The following WDPCP variants were observed in gnomAD, a reference collection of about 807,000 sequenced individuals.
The protein encoded by WDPCP is WD repeat containing planar cell polarity effector.
A neutral mutation model predicts 93.1 loss-of-function variants in WDPCP; 71 were observed. The ratio of observed to expected loss-of-function variants is 0.76; its 90% CI spans 0.63 to 0.93. The LOEUF is 0.93. WDPCP is among the 40% of genes least tolerant of loss of function. The pLI is 0.00. For missense variants in WDPCP, 844 were observed against 887.4 expected (o/e 0.95, Z 0.62); for synonymous variants, 315 against 315.0 (o/e 1.00, Z 0.00).
intron 1 of WDPCP, among the ~76,000 whole-genome samples, chr2:63,576,408 A>G (rs570295769): frequency 1.3e-5 from 2 of 152,308 alleles, no homozygotes; most frequent in African/African-American, 4.8e-5. Flanking sequence ...TTTATTATAA[A>G]GGTTACTACA....
intron 14 of WDPCP, among the ~76,000 whole-genome samples, chr2:63,228,151 C>T (rs1574928519): frequency 6.6e-6 from 1 of 152,054 alleles, no homozygotes; most frequent in East Asian, 1.9e-4. Flanking sequence ...CTCCAAGTTG[C>T]TGGAGGTCAT....
At chr2:63,609,615 T>G (rs1437125490) in intron 3 of WDPCP, among the ~76,000 whole-genome samples, 1 of 152,150 alleles carries the variant, frequency 6.6e-6, no homozygotes, top group East Asian at 1.9e-4. Flanking sequence ...CTTGGCTGGG[T>G]GCAGTGACTC....
intron 11 of WDPCP, among the ~76,000 whole-genome samples, chr2:63,381,133 GA>G (rs1692268047): frequency 6.6e-6 from 1 of 152,042 alleles, no homozygotes; most frequent in Admixed American, 6.6e-5. Context: ...ACAAAGATAT[GA>G]AAGATGCAAA....
intron 2 of WDPCP, among the ~76,000 whole-genome samples, chr2:63,781,878 G>A (rs907105226): frequency 1.3e-5 from 2 of 152,110 alleles, no homozygotes; most frequent in African/African-American, 2.4e-5. Context: ...AGCTCTCTGG[G>A]CCAAAGGTGG....
chr2:63,364,027 G>A (rs1262311184), intron 12 of WDPCP, among the ~76,000 whole-genome samples: 5 of 151,896 alleles, frequency 3.3e-5, no homozygotes, highest in African/African-American at 9.7e-5. Flanking sequence ...CTCCACCTCC[G>A]GCAACACAGC....
intron 12 of WDPCP, among the ~76,000 whole-genome samples, chr2:63,321,909 C>T (rs1286901086): frequency 6.6e-6 from 1 of 152,084 alleles, no homozygotes; most frequent in Non-Finnish European, 1.5e-5. Context: ...TTACATATCA[C>T]TTTACTGAGG....
intron 2 of WDPCP, among the ~76,000 whole-genome samples, chr2:63,702,052 T>A (rs1381827208): frequency 6.6e-6 from 1 of 152,122 alleles, no homozygotes; most frequent in Non-Finnish European, 1.5e-5. Flanking sequence ...TGAGATGGAG[T>A]TTCGCTCTTG....
intron 14 of WDPCP, among the ~76,000 whole-genome samples, chr2:63,207,234 A>G (rs1211286719): frequency 6.6e-6 from 1 of 152,158 alleles, no homozygotes; most frequent in Non-Finnish European, 1.5e-5. Flanking sequence ...AATAATAGTG[A>G]TATGGTTTGA....
chr2:63,202,424 G>A (rs1367558710), intron 14 of WDPCP, among the ~76,000 whole-genome samples: 1 of 152,000 alleles, frequency 6.6e-6, no homozygotes, highest in Non-Finnish European at 1.5e-5. Flanking sequence ...TTAAAAAAAG[G>A]CATATCCTCC....
chr2:63,190,772 A>ATGTCTTAAACTAATGAACTACAAAG (rs1367858817), intron 14 of WDPCP, among the ~76,000 whole-genome samples: 1 of 151,852 alleles, frequency 6.6e-6, no homozygotes, highest in Non-Finnish European at 1.5e-5. Flanking sequence ...ACAAAGCTTA[A>ATGTCTTAAACTAATGAACTACAAAG]TGTCTTAAAC....
chr2:63,708,512 A>C (rs1669204376), intron 2 of WDPCP, among the ~76,000 whole-genome samples: 1 of 152,320 alleles, frequency 6.6e-6, no homozygotes, highest in South Asian at 2.1e-4. Context: ...CCGATTTTCC[A>C]GGTGCCGTCT....
intron 1 of WDPCP, among the ~76,000 whole-genome samples, chr2:63,585,181 A>T (rs1023246121): frequency 6.6e-6 from 1 of 152,202 alleles, no homozygotes; most frequent in Non-Finnish European, 1.5e-5. Flanking sequence ...TTTTAAATTA[A>T]ATTACAAGCA....
At chr2:63,386,279 C>G (rs1278668071) in intron 10 of WDPCP, among the ~76,000 whole-genome samples, 1 of 151,892 alleles carries the variant, frequency 6.6e-6, no homozygotes, top group African/African-American at 2.4e-5. Context: ...AAACTACAGG[C>G]TGAAAGAAAA....
the WDPCP span, among the ~76,000 whole-genome samples, chr2:63,833,368 T>C: frequency 6.6e-6 from 1 of 152,200 alleles, no homozygotes; most frequent in African/African-American, 2.4e-5. Context: ...GTTATCTAAG[T>C]AATTTATCCA....
intron 17 of WDPCP, among the ~76,000 whole-genome samples, chr2:63,142,205 A>G (rs551848087): frequency 6.6e-6 from 1 of 152,144 alleles, no homozygotes; most frequent in South Asian, 2.1e-4. Context: ...TTGTTTCTGT[A>G]GTTCCTTGAG....
intron 1 of WDPCP, among the ~76,000 whole-genome samples, chr2:63,566,957 A>G (rs1315733095): frequency 1.3e-5 from 2 of 152,184 alleles, no homozygotes; most frequent in Admixed American, 6.5e-5. Context: ...GCAACAGCCA[A>G]ATGCAAGAGA....
At chr2:63,750,014 T>G in intron 2 of WDPCP, among the ~76,000 whole-genome samples, 1 of 152,112 alleles carries the variant, frequency 6.6e-6, no homozygotes, top group Non-Finnish European at 1.5e-5. Context: ...TTGAGATGTA[T>G]TCCTCTGACA....
At chr2:63,595,801 A>G (rs773782178) in intron 3 of WDPCP, among the ~76,000 whole-genome samples, 5 of 152,168 alleles carry the variant, frequency 3.3e-5, no homozygotes, top group Non-Finnish European at 5.9e-5. Flanking sequence ...AGGGTTATAC[A>G]CCTGAAATTG....
At chr2:63,500,452 GGGGTGTGTGT>G (rs1406714627) in intron 1 of WDPCP, among the ~76,000 whole-genome samples, 1 of 22,314 alleles carries the variant, frequency 4.5e-5, no homozygotes, top group Non-Finnish European at 8.4e-5. Flanking sequence ...AAATGGTGTG[GGGGTGTGTGT>G]GTGTGTGTGT....
Sources: gnomAD v4.1 joint callset for allele counts (sites outside exome capture counted in the v4.1 genomes callset) on GRCh38, gnomAD v4.1.1 for gene constraint, MANE v1.5 for transcripts, NCBI Gene and HGNC (gene_info 2026-07-23, HGNC 2026-07-21) for gene names.